The following ARFGEF1 variants were observed in gnomAD, a reference collection of about 807,000 sequenced individuals.
ARFGEF1 encodes the protein brefeldin A-inhibited guanine nucleotide-exchange protein 1.
In ARFGEF1, 42 loss-of-function variants were observed where a neutral mutation model predicts 231.0. The observed-to-expected ratio is 0.18, with a 90% confidence interval of 0.14 to 0.24. The LOEUF (loss-of-function observed/expected upper bound fraction) is 0.24, where lower values mean the gene tolerates loss of function less well. ARFGEF1 is among the 10% of genes least tolerant of loss of function. ARFGEF1 has a pLI of 1.00. For synonymous variants in ARFGEF1, 710 were observed against 732.3 expected (o/e 0.97, Z 0.49); for missense variants, 1,345 against 2,192.0 (o/e 0.61, Z 7.72).
intron 22 of ARFGEF1, among the ~76,000 whole-genome samples, chr8:67,234,308 T>C (rs1391571878): frequency 6.6e-6 from 1 of 152,198 alleles, no homozygotes; most frequent in Non-Finnish European, 1.5e-5. Context: ...ATGTAATGAC[T>C]ACTTCATGGC....
At position 67,227,617 on chromosome 8, in the gene ARFGEF1, T is replaced by C; in HGVS notation, c.3592-19A>G. 1 of 1,604,342 alleles carries C rather than the reference T, an allele frequency of 6.2e-7. No individual in the cohort carries two copies. The highest frequency in any genetic ancestry group is 1.3e-5 in the African/African-American group (1 of 74,442). ...ACCCAACCTGTAATGGCGACAGAAA[T>C]AAACGATGCTAATTAATATCAGCAG... On this transcript the variant is annotated intron_variant, in intron 25 of 38. Coordinates refer to ENST00000262215, the MANE Select transcript of ARFGEF1 (RefSeq NM_006421.5).
At chr8:67,292,877 C>T (rs1232444356) in intron 5 of ARFGEF1, among the ~76,000 whole-genome samples, 2 of 151,976 alleles carry the variant, frequency 1.3e-5, no homozygotes, top group Non-Finnish European at 2.9e-5. Context: ...CAAGATAAAT[C>T]TTATACAGTA....
chr8:67,258,923 C>T (rs1012092263), intron 15 of ARFGEF1, among the ~76,000 whole-genome samples: 13 of 151,926 alleles, frequency 8.6e-5, no homozygotes, highest in African/African-American at 2.9e-4. Context: ...TCCATGGATG[C>T]TCAAGTTCCT....
chr8:67,301,486 C>G (rs570348263), intron 2 of ARFGEF1, 106 bp from the exon 3 acceptor site: 1 of 1,225,830 alleles, frequency 8.2e-7, no homozygotes, highest in Admixed American at 2.7e-5. Context: ...TCTTGCTAAA[C>G]CAGTCCTCTA....
downstream of ARFGEF1, among the ~76,000 whole-genome samples, chr8:67,194,886 T>C (rs1374039916): frequency 3.9e-5 from 6 of 152,190 alleles, no homozygotes; most frequent in Non-Finnish European, 8.8e-5. Flanking sequence ...ATGGAAGTAA[T>C]CTCATGCCAA....
chr8:67,279,537 T>C (rs980275594), intron 7 of ARFGEF1, among the ~76,000 whole-genome samples: 2 of 152,210 alleles, frequency 1.3e-5, no homozygotes, highest in Non-Finnish European at 2.9e-5. Context: ...CGTGTTCATT[T>C]TCTTCCCTCT....
intron 6 of ARFGEF1, among the ~76,000 whole-genome samples, chr8:67,290,979 G>A (rs893717573): frequency 6.6e-6 from 1 of 151,612 alleles, no homozygotes; most frequent in African/African-American, 2.4e-5. Context: ...AAAAAATCAA[G>A]AGCTGAAAAC....
chr8:67,222,204 TACACACAC>T (rs1376525855), intron 29 of ARFGEF1, among the ~76,000 whole-genome samples: 1 of 114,426 alleles, frequency 8.7e-6, no homozygotes, highest in African/African-American at 3.5e-5. Flanking sequence ...TATATATATA[TACACACAC>T]ATATATATAT....
chr8:67,224,266 T>C (rs1445495917), intron 29 of ARFGEF1, among the ~76,000 whole-genome samples: 1 of 152,154 alleles, frequency 6.6e-6, no homozygotes, highest in Non-Finnish European at 1.5e-5. Context: ...ACACACAAGC[T>C]GGCCATTTCA....
chr8:67,281,746 A>C (rs1000208793), intron 7 of ARFGEF1, among the ~76,000 whole-genome samples: 1 of 152,110 alleles, frequency 6.6e-6, no homozygotes, highest in African/African-American at 2.4e-5. Context: ...CAAATAGGAG[A>C]TAAATATGGA....
intron 23 of ARFGEF1, 31 bp from the exon 24 acceptor site, chr8:67,228,295 T>G (rs1273412684): frequency 6.3e-7 from 1 of 1,583,884 alleles, no homozygotes; most frequent in Non-Finnish European, 8.6e-7. Context: ...TTTAAAAAAT[T>G]TATAAGTTAC....
chr8:67,294,793 T>G (rs1288339728), intron 5 of ARFGEF1, among the ~76,000 whole-genome samples: 2 of 152,162 alleles, frequency 1.3e-5, no homozygotes, highest in African/African-American at 4.8e-5. Flanking sequence ...TAACTCTATC[T>G]GCTGAGAGGC....
At chr8:67,268,032 A>G (rs916289999) in intron 10 of ARFGEF1, among the ~76,000 whole-genome samples, 1 of 152,206 alleles carries the variant, frequency 6.6e-6, no homozygotes, top group African/African-American at 2.4e-5. Flanking sequence ...TAATCAACCT[A>G]ATGAGATAAA....
At chr8:67,232,005 A>G (rs1839569998) in intron 23 of ARFGEF1, among the ~76,000 whole-genome samples, 1 of 152,068 alleles carries the variant, frequency 6.6e-6, no homozygotes, top group Non-Finnish European at 1.5e-5. Flanking sequence ...AGTAGACATT[A>G]AGAATTCAAG....
intron 17 of ARFGEF1, among the ~76,000 whole-genome samples, chr8:67,255,114 G>A (rs1212323264): frequency 6.6e-6 from 1 of 152,222 alleles, no homozygotes; most frequent in Non-Finnish European, 1.5e-5. Context: ...ATCTGAAGTA[G>A]CAGTTAATTG....
intron 1 of ARFGEF1, among the ~76,000 whole-genome samples, chr8:67,322,381 T>C (rs1454463758): frequency 6.6e-6 from 1 of 152,208 alleles, no homozygotes; most frequent in African/African-American, 2.4e-5. Flanking sequence ...CTGGCTAAAA[T>C]CCATTCATCC....
At chr8:67,268,022 TAATC>T (rs1804920738) in intron 10 of ARFGEF1, among the ~76,000 whole-genome samples, 2 of 152,206 alleles carry the variant, frequency 1.3e-5, no homozygotes, top group Non-Finnish European at 2.9e-5. Flanking sequence ...AGCAGTGAGT[TAATC>T]AACCTAATGA....
chr8:67,197,133 T>C (rs1838057737), downstream of ARFGEF1, among the ~76,000 whole-genome samples: 1 of 152,214 alleles, frequency 6.6e-6, no homozygotes. Context: ...TGCTAGGTTA[T>C]TAATATGCAA....
downstream of ARFGEF1, chr8:67,193,640 G>A (rs755934048): frequency 6.4e-7 from 1 of 1,569,610 alleles, no homozygotes; most frequent in South Asian, 1.1e-5. Flanking sequence ...GTAGAATCCT[G>A]TATGAACTTT....
Sources: gnomAD v4.1 joint callset for allele counts (sites outside exome capture counted in the v4.1 genomes callset) on GRCh38, gnomAD v4.1.1 for gene constraint, MANE v1.5 for transcripts, NCBI Gene and HGNC (gene_info 2026-07-23, HGNC 2026-07-21) for gene names.